Variants in IGF2BP3 observed in about 807,000 individuals in gnomAD.
The protein encoded by IGF2BP3 is insulin-like growth factor 2 mRNA-binding protein 3.
A neutral mutation model predicts 73.8 loss-of-function variants in IGF2BP3; 9 were observed. That is an observed-to-expected ratio of 0.12 (90% confidence interval 0.07 to 0.21). The LOEUF (loss-of-function observed/expected upper bound fraction) is 0.21. Ranked by LOEUF, IGF2BP3 falls within the 10% of genes least tolerant of loss-of-function variation. IGF2BP3 has a pLI of 1.00. For missense variants in IGF2BP3, 542 were observed against 714.0 expected (o/e 0.76, Z 2.75); for synonymous variants, 258 against 256.7 (o/e 1.01, Z -0.05).
At chr7:23,460,588 G>A (rs1213449794) in intron 2 of IGF2BP3, among the ~76,000 whole-genome samples, 3 of 151,522 alleles carry the variant, frequency 2.0e-5, no homozygotes, top group Non-Finnish European at 2.9e-5. Context: ...CTTGTCCATT[G>A]AGTCAGAGGA....
At chr7:23,353,283 G>C (rs934412806) in intron 5 of IGF2BP3, among the ~76,000 whole-genome samples, 4 of 152,100 alleles carry the variant, frequency 2.6e-5, no homozygotes, top group Non-Finnish European at 5.9e-5. Flanking sequence ...TAGAAAAAAG[G>C]GGGTGGAGTG....
At chr7:23,317,149 A>G (rs1213764907) in intron 12 of IGF2BP3, among the ~76,000 whole-genome samples, 2 of 152,238 alleles carry the variant, frequency 1.3e-5, no homozygotes, top group Non-Finnish European at 2.9e-5. Flanking sequence ...GCAATGGTTC[A>G]TACCAGAACA....
chr7:23,425,949 G>A (rs1259959338), intron 2 of IGF2BP3, among the ~76,000 whole-genome samples: 1 of 148,476 alleles, frequency 6.7e-6, no homozygotes, highest in Non-Finnish European at 1.5e-5. Flanking sequence ...CTGGGCAACA[G>A]GGTGAGATCC....
intron 2 of IGF2BP3, among the ~76,000 whole-genome samples, chr7:23,423,575 T>C (rs1399137209): frequency 6.6e-6 from 1 of 152,184 alleles, no homozygotes; most frequent in African/African-American, 2.4e-5. Context: ...TTAGGTTATC[T>C]TGTTTGTTGC....
rs1195395815 is a variant in IGF2BP3 at position 23,343,710 on chromosome 7, A to G, written c.1077+8T>C. 1 of 1,608,418 alleles carries G rather than the reference A, an allele frequency of 6.2e-7. No homozygotes were observed. The highest frequency in any genetic ancestry group is 1.7e-5 in the Admixed American group (1 of 60,004). On this transcript the variant is annotated splice_region_variant and intron_variant, in intron 9 of 14. Transcript: ENST00000258729. ...AAATAAAGACATGCCCTTCATAACA[A>G]AACTAACATTCATAGAAGCAATATC...
At chr7:23,367,979 A>G (rs1214103701) in intron 3 of IGF2BP3, among the ~76,000 whole-genome samples, 1 of 152,076 alleles carries the variant, frequency 6.6e-6, no homozygotes, top group Non-Finnish European at 1.5e-5. Flanking sequence ...CAGCCTGGGC[A>G]ACAGATAGAG....
chr7:23,385,133 T>C (rs1402286245), intron 3 of IGF2BP3, among the ~76,000 whole-genome samples: 3 of 152,182 alleles, frequency 2.0e-5, no homozygotes, highest in African/African-American at 7.2e-5. Context: ...AATGAAAGAA[T>C]AATAGAATTG....
intron 10 of IGF2BP3, among the ~76,000 whole-genome samples, chr7:23,330,756 A>G (rs1184337043): frequency 1.3e-5 from 2 of 151,986 alleles, no homozygotes; most frequent in African/African-American, 4.8e-5. Context: ...AAACAGACTA[A>G]TATATACTAG....
At position 23,404,728 on chromosome 7, in the gene IGF2BP3, G is replaced by A. The variant is rs573632754; in HGVS notation, c.285+14048C>T. Among the ~76,000 whole-genome samples, 4 of 151,480 alleles carry A rather than the reference G, an allele frequency of 2.6e-5. No homozygotes were observed. In the South Asian group the frequency reaches 8.4e-4, roughly 32 times the overall value. ...ATTGTGTTTTGAGTAAGACAAAGTAGGCCATTCAGGAAATCAAAATACGGC... is the reference window on the plus strand; with the variant it reads ...ATTGTGTTTTGAGTAAGACAAAGTAAGCCATTCAGGAAATCAAAATACGGC... On this transcript the variant is annotated intron_variant, in intron 3 of 14. Coordinates refer to ENST00000258729, the MANE Select transcript of IGF2BP3 (RefSeq NM_006547.3).
chr7:23,361,509 A>C (rs1785228322), intron 5 of IGF2BP3, 25 bp downstream of exon 5: 1 of 1,583,350 alleles, frequency 6.3e-7, no homozygotes, highest in East Asian at 2.2e-5. Flanking sequence ...TATTATATAT[A>C]GATTAAAAGC....
intron 3 of IGF2BP3, among the ~76,000 whole-genome samples, chr7:23,366,220 G>T (rs571825757): frequency 5.6e-4 from 84 of 151,266 alleles, no homozygotes; most frequent in Non-Finnish European, 8.8e-4. Context: ...TCACTGCAAC[G>T]TCTGCCTCCC....
intron 5 of IGF2BP3, among the ~76,000 whole-genome samples, chr7:23,360,944 T>TAA (rs1310234529): frequency 3.3e-5 from 5 of 152,254 alleles, no homozygotes; most frequent in Non-Finnish European, 7.3e-5. Flanking sequence ...CTCAGTTTAT[T>TAA]AGATCTTTTC....
chr7:23,313,757 T>A, intron 12 of IGF2BP3, 104 bp from the exon 13 acceptor site: 1 of 1,017,402 alleles, frequency 9.8e-7, no homozygotes, highest in East Asian at 2.5e-5. Context: ...CCCTTTGCAG[T>A]GATACATCTA....
intron 2 of IGF2BP3, among the ~76,000 whole-genome samples, chr7:23,443,758 T>C (rs531736259): frequency 1.0e-3 from 159 of 151,900 alleles, no homozygotes; most frequent in African/African-American, 3.4e-3. Context: ...GCCTATAATC[T>C]CAGCACTTTG....
At chr7:23,329,181 C>G (rs1323601362) in intron 10 of IGF2BP3, among the ~76,000 whole-genome samples, 2 of 151,752 alleles carry the variant, frequency 1.3e-5, no homozygotes, top group East Asian at 3.9e-4. Flanking sequence ...CCATTGCACT[C>G]CAGCCTGGGC....
At chr7:23,354,138 C>A (rs918028618) in intron 5 of IGF2BP3, among the ~76,000 whole-genome samples, 1 of 152,102 alleles carries the variant, frequency 6.6e-6, no homozygotes, top group Non-Finnish European at 1.5e-5. Flanking sequence ...GGATTACAGG[C>A]GCACGCCACC....
intron 10 of IGF2BP3, among the ~76,000 whole-genome samples, chr7:23,332,243 CT>C (rs1413513082): frequency 5.9e-5 from 9 of 152,142 alleles, no homozygotes; most frequent in African/African-American, 2.2e-4. Flanking sequence ...CATCATGTAC[CT>C]CTTATTTATG....
chr7:23,422,702 A>G (rs538863640), intron 2 of IGF2BP3, among the ~76,000 whole-genome samples: 3 of 152,316 alleles, frequency 2.0e-5, no homozygotes, highest in Non-Finnish European at 4.4e-5. Context: ...ATGTTACTCC[A>G]GAATAATTAT....
At chr7:23,438,260 C>A (rs569208564) in intron 2 of IGF2BP3, among the ~76,000 whole-genome samples, 49 of 152,302 alleles carry the variant, frequency 3.2e-4, no homozygotes, top group African/African-American at 1.2e-3. Flanking sequence ...ATTACAGGCA[C>A]CCACCACCAT....
Sources: allele counts gnomAD v4.1 joint callset (sites outside exome capture counted in the v4.1 genomes callset), GRCh38; gene constraint gnomAD v4.1.1; transcripts MANE v1.5; gene names NCBI Gene and HGNC (gene_info 2026-07-23, HGNC 2026-07-21).